The following IL1RAPL1 variants were observed in gnomAD, a reference collection of about 807,000 sequenced individuals.
IL1RAPL1 encodes the protein interleukin 1 receptor accessory protein like 1, also known as interleukin-1 receptor accessory protein-like 1.
A neutral mutation model predicts 48.4 loss-of-function variants in IL1RAPL1; 3 were observed. That is an observed-to-expected ratio of 0.06 (90% CI 0.03 to 0.16). IL1RAPL1 has a LOEUF of 0.16. Ranked by LOEUF, IL1RAPL1 falls within the 10% of genes least tolerant of loss-of-function variation. The pLI, the probability that IL1RAPL1 is intolerant of heterozygous loss-of-function variation, is 1.00. For synonymous variants in IL1RAPL1, 185 were observed against 187.7 expected (o/e 0.99, Z 0.12); for missense variants, 349 against 530.6 (o/e 0.66, Z 3.36).
intron 1 of IL1RAPL1, among the ~76,000 whole-genome samples, chrX:28,707,158 G>T (rs1033002640): frequency 8.9e-6 from 1 of 111,891 alleles, no homozygotes; most frequent in African/African-American, 3.3e-5. Context: ...TGTTTACTTC[G>T]AACGCCTGTG....
chrX:29,592,734 C>G (rs758033719), intron 5 of IL1RAPL1, among the ~76,000 whole-genome samples: 27 of 109,483 alleles, frequency 2.5e-4, no homozygotes, highest in Non-Finnish European at 4.6e-4. Flanking sequence ...TCAGCTTCAC[C>G]CCAACTGCCA....
chrX:28,988,106 A>T (rs2147379705), intron 2 of IL1RAPL1, among the ~76,000 whole-genome samples: 1 of 107,633 alleles, frequency 9.3e-6, no homozygotes, highest in South Asian at 4.0e-4. Flanking sequence ...TTTATTTGTA[A>T]GTTTGCCTAC....
intron 1 of IL1RAPL1, among the ~76,000 whole-genome samples, chrX:28,637,038 G>GCAT (rs1294013735): frequency 9.0e-6 from 1 of 111,335 alleles, no homozygotes; most frequent in Non-Finnish European, 1.9e-5. Flanking sequence ...TCTTCTTAGA[G>GCAT]CATCTTATTA....
At chrX:28,961,009 CAAAAAAAAAA>C (rs397947609) in intron 2 of IL1RAPL1, among the ~76,000 whole-genome samples, 1 of 17,488 alleles carries the variant, frequency 5.7e-5, no homozygotes, top group Non-Finnish European at 9.9e-5. Context: ...GACTCCGTCT[CAAAAAAAAAA>C]AAAAAAAAAA....
intron 1 of IL1RAPL1, among the ~76,000 whole-genome samples, chrX:28,770,087 G>A (rs780388182): frequency 8.9e-6 from 1 of 111,860 alleles, no homozygotes; most frequent in South Asian, 3.7e-4. Context: ...CATGTAGGAG[G>A]ACTGTTTTCA....
At chrX:28,950,746 A>G (rs1483550156) in intron 2 of IL1RAPL1, among the ~76,000 whole-genome samples, 3 of 106,608 alleles carry the variant, frequency 2.8e-5, no homozygotes, top group East Asian at 6.1e-4. Context: ...TAGAAATACC[A>G]TTTGACCCAG....
intron 1 of IL1RAPL1, among the ~76,000 whole-genome samples, chrX:28,594,697 T>C (rs1055867555): frequency 8.0e-5 from 9 of 112,325 alleles, no homozygotes; most frequent in African/African-American, 2.9e-4. Context: ...TTAGTACAGC[T>C]AATGTTGGCA....
Position 29,756,916 on chromosome X carries a change from G to C in IL1RAPL1, c.778+88412G>C, listed in dbSNP as rs1255035028. The stretch of plus-strand genomic sequence containing the variant: ...TAAGAAGAGACATCTAGACACATAG[G>C]AGAGAACACCACTGGGTAATGAAGC... On this transcript the variant is annotated intron_variant, in intron 6 of 10. Transcript: ENST00000378993. 2.7e-5 allele frequency among the ~76,000 whole-genome samples: 3 copies of C among 111,631 alleles called. No individual in the cohort carries two copies. The East Asian group carries it at 8.4e-4, about 31-fold the overall frequency.
intron 2 of IL1RAPL1, among the ~76,000 whole-genome samples, chrX:29,082,351 T>C (rs1278495016): frequency 8.9e-6 from 1 of 112,506 alleles, no homozygotes; most frequent in Non-Finnish European, 1.9e-5. Flanking sequence ...GTGTAATCAT[T>C]TGTTATTCAG....
intron 5 of IL1RAPL1, among the ~76,000 whole-genome samples, chrX:29,509,662 T>TGC (rs1422020254): frequency 9.2e-6 from 1 of 108,537 alleles, no homozygotes; most frequent in Non-Finnish European, 1.9e-5. Flanking sequence ...TGCACACACA[T>TGC]GCACACACAC....
At chrX:29,035,225 G>GC (rs1926707844) in intron 2 of IL1RAPL1, among the ~76,000 whole-genome samples, 1 of 111,148 alleles carries the variant, frequency 9.0e-6, no homozygotes, top group Non-Finnish European at 1.9e-5. Context: ...GGGATTACAG[G>GC]CTTGAGCCAC....
intron 3 of IL1RAPL1, among the ~76,000 whole-genome samples, chrX:29,333,443 C>G (rs1932915061): frequency 1.1e-5 from 1 of 94,329 alleles, no homozygotes; most frequent in Non-Finnish European, 2.2e-5. Context: ...GGGCGGCTGG[C>G]CGGGCAGAGG....
intron 6 of IL1RAPL1, among the ~76,000 whole-genome samples, chrX:29,895,032 C>T (rs997536066): frequency 1.8e-5 from 2 of 108,573 alleles, no homozygotes; most frequent in Non-Finnish European, 3.8e-5. Flanking sequence ...CCATATTGGC[C>T]AGGCTGGTCT....
chrX:29,446,320 A>C (rs1934611667), intron 5 of IL1RAPL1, among the ~76,000 whole-genome samples: 1 of 111,833 alleles, frequency 8.9e-6, no homozygotes, highest in African/African-American at 3.2e-5. Flanking sequence ...AAAACAAATG[A>C]AACCAAAGAT....
intron 5 of IL1RAPL1, among the ~76,000 whole-genome samples, chrX:29,466,214 A>G (rs1477563968): frequency 8.9e-6 from 1 of 112,326 alleles, no homozygotes; most frequent in African/African-American, 3.2e-5. Flanking sequence ...CAAATAATGC[A>G]TTATATGAAG....
intron 2 of IL1RAPL1, among the ~76,000 whole-genome samples, chrX:29,099,172 A>G (rs1333631480): frequency 8.9e-6 from 1 of 111,732 alleles, no homozygotes; most frequent in Non-Finnish European, 1.9e-5. Flanking sequence ...AAAACAAAAC[A>G]AAACAATCTT....
chrX:29,611,646 A>C (rs1296544946), intron 5 of IL1RAPL1, among the ~76,000 whole-genome samples: 1 of 111,415 alleles, frequency 9.0e-6, no homozygotes, highest in African/African-American at 3.3e-5. Flanking sequence ...TCTTTTCTCA[A>C]CAGTGTTAAA....
intron 2 of IL1RAPL1, among the ~76,000 whole-genome samples, chrX:28,920,100 T>G (rs1923580805): frequency 8.9e-6 from 1 of 112,077 alleles, no homozygotes; most frequent in Non-Finnish European, 1.9e-5. Context: ...CTTCTTTTCT[T>G]TTGTGCATCC....
At chrX:29,526,826 C>T (rs1432712515) in intron 5 of IL1RAPL1, among the ~76,000 whole-genome samples, 1 of 111,898 alleles carries the variant, frequency 8.9e-6, no homozygotes, top group East Asian at 2.8e-4. Flanking sequence ...CATTAAGATG[C>T]CACTTCTCTC....
Sources: allele counts gnomAD v4.1 joint callset (sites outside exome capture counted in the v4.1 genomes callset), GRCh38; gene constraint gnomAD v4.1.1; transcripts MANE v1.5; gene names NCBI Gene and HGNC (gene_info 2026-07-23, HGNC 2026-07-21).